The following FREM1 variants were observed in gnomAD, a reference collection of about 807,000 sequenced individuals.
FREM1 encodes FRAS1-related extracellular matrix protein 1.
A neutral mutation model predicts 210.1 loss-of-function variants in FREM1; 220 were observed. That is an observed-to-expected ratio of 1.05 (90% CI 0.94 to 1.17). FREM1 has a LOEUF of 1.17. Ranked by LOEUF, FREM1 falls within the 50% of genes most tolerant of loss-of-function variation. FREM1 has a pLI of 0.00. For missense variants in FREM1, 3,454 were observed against 2,675.5 expected, an observed-to-expected ratio of 1.29 and a Z score of -6.42; for synonymous variants, 1,189 against 980.2, an observed-to-expected ratio of 1.21 and a Z score of -3.98.
In FREM1 at chr9:14,806,847, C is replaced by G. The variant is rs1323621593; in HGVS notation, c.3089-1G>C. The G allele has an allele frequency of 5.0e-6, 8 of 1,584,320 alleles. No homozygotes were observed. Among genetic ancestry groups the G allele is most frequent in the African/African-American group, 1.3e-5 (1 of 74,140 alleles). On this transcript the variant is annotated splice_acceptor_variant, in intron 17 of 36. Transcript: ENST00000380880. LOFTEE classifies it high-confidence loss of function. The stretch of plus-strand genomic sequence containing the variant: ...CCCTCATCTACAACAAACACGGGAC[C>G]TGCATACAAATAAAAACACAATTAC...
intron 3 of FREM1, among the ~76,000 whole-genome samples, chr9:14,860,458 A>C (rs886087098): frequency 1.3e-5 from 2 of 151,846 alleles, no homozygotes; most frequent in Non-Finnish European, 2.9e-5. Context: ...GGAGTAGAAG[A>C]AGCAAGCATT....
At chr9:14,842,749 T>C in intron 8 of FREM1, 89 bp from the exon 9 acceptor site, 3 of 909,602 alleles carry the variant, frequency 3.3e-6, no homozygotes, top group Non-Finnish European at 3.4e-6. Flanking sequence ...TAGAGGCTGC[T>C]AAGGAAAGTG....
chr9:14,779,353 A>G (rs2132725668), intron 24 of FREM1: 1 of 297,384 alleles, frequency 3.4e-6, no homozygotes, highest in Non-Finnish European at 5.0e-6. Flanking sequence ...CATTAATTGT[A>G]GAGCTATAGA....
rs1224400765 is a variant in FREM1 at position 14,747,714 on chromosome 9, A to G, written c.5811T>C (p.Ser1937=). ...TGATGTCTGTTCCATTTCTATAAAC[A>G]GAGGATGGACGAACCTGAAATTGAC... ...RGNGKTVRPS[S]VYRNGTDIIY... is the part of the protein sequence containing the mutation. Residue 1937 remains serine (S), a synonymous_variant, in exon 32 of 37, where the codon TCT becomes TCC. Coordinates refer to ENST00000380880, the MANE Select transcript of FREM1 (RefSeq NM_001379081.2). 1.9e-6 allele frequency: 3 copies of G among 1,543,378 alleles called. No homozygotes were observed. Among genetic ancestry groups the G allele is most frequent in the Admixed American group, 2.0e-5 (1 of 50,140 alleles).
intron 5 of FREM1, among the ~76,000 whole-genome samples, chr9:14,853,535 A>C (rs1460946794): frequency 2.6e-5 from 4 of 152,208 alleles, no homozygotes; most frequent in Admixed American, 6.5e-5. Context: ...GCAGCTTGAG[A>C]CATCTACCAG....
chr9:14,894,039 A>G (rs1447912058), intron 1 of FREM1, among the ~76,000 whole-genome samples: 1 of 152,226 alleles, frequency 6.6e-6, no homozygotes, highest in Admixed American at 6.5e-5. Context: ...AAACTGATTA[A>G]GATTAAATAC....
chr9:14,893,395 A>C (rs1429405110), intron 1 of FREM1, among the ~76,000 whole-genome samples: 2 of 152,228 alleles, frequency 1.3e-5, no homozygotes, highest in South Asian at 2.1e-4. Flanking sequence ...TGTCTAAGAC[A>C]GTCCAGCAAA....
intron 25 of FREM1, among the ~76,000 whole-genome samples, chr9:14,771,281 G>C (rs1847523623): frequency 6.6e-6 from 1 of 152,076 alleles, no homozygotes; most frequent in African/African-American, 2.4e-5. Flanking sequence ...AAAATTGTGA[G>C]GGTTTACAAA....
intron 21 of FREM1, among the ~76,000 whole-genome samples, chr9:14,793,224 C>T (rs1851734012): frequency 6.6e-6 from 1 of 152,166 alleles, no homozygotes; most frequent in East Asian, 1.9e-4. Flanking sequence ...ACAACAACAG[C>T]TCCATGAAGT....
At chr9:14,891,009 G>T (rs1389169838) in intron 1 of FREM1, among the ~76,000 whole-genome samples, 2 of 152,116 alleles carry the variant, frequency 1.3e-5, no homozygotes, top group African/African-American at 4.8e-5. Context: ...CATTCATCAT[G>T]GTGTGCCCCA....
At chr9:14,779,528 C>G (rs923918) in intron 24 of FREM1, 82,048 of 980,886 alleles carry the variant, frequency 0.084, 5,125 homozygotes, top group African/African-American at 0.3. Flanking sequence ...TTCCTCCCTG[C>G]AGACTGAATT....
At chr9:14,755,905 G>A (rs1056309708) in intron 29 of FREM1, among the ~76,000 whole-genome samples, 1 of 152,138 alleles carries the variant, frequency 6.6e-6, no homozygotes, top group Non-Finnish European at 1.5e-5. Flanking sequence ...AACAAAGTAA[G>A]TGCTACTTAA....
At chr9:14,831,319 C>G in intron 10 of FREM1, among the ~76,000 whole-genome samples, 1 of 152,186 alleles carries the variant, frequency 6.6e-6, no homozygotes, top group East Asian at 1.9e-4. Context: ...TTTTTACAGT[C>G]TAGGAACAAA....
In FREM1 at chr9:14,848,840, G is replaced by C. The variant is rs1420191281; in HGVS notation, c.1153-67C>G. 5.3e-6 allele frequency: 5 copies of C among 938,730 alleles called. No individual in the cohort carries two copies. The Admixed American group carries it at 9.0e-5, about 17-fold the overall frequency. The allele number at this position is 938,730 out of a possible 1,614,324, so 58.2% of individuals were successfully genotyped here. A position where few individuals can be genotyped will look rare whatever the true frequency, so the allele number is the denominator to read the frequency against. ...TACAGGGTAAAGTAGCATTAATTCT[G>C]GGTTATACCCACACACAGTGGATTC... On this transcript the variant is annotated intron_variant, in intron 6 of 36. Transcript: ENST00000380880.
At chr9:14,804,392 T>C (rs1817957885) in intron 19 of FREM1, among the ~76,000 whole-genome samples, 1 of 152,162 alleles carries the variant, frequency 6.6e-6, no homozygotes, top group African/African-American at 2.4e-5. Flanking sequence ...AAGACCATCC[T>C]GGCTAACACG....
At chr9:14,872,018 T>C (rs1490308838) in intron 1 of FREM1, among the ~76,000 whole-genome samples, 1 of 152,208 alleles carries the variant, frequency 6.6e-6, no homozygotes. Context: ...TGCTGTTCCA[T>C]TGATCTATAT....
rs1818480745 is a variant in FREM1, at chr9:14,910,141, T to A, written c.-495A>T. 6.6e-6 allele frequency: 1 copy of A among 152,210 alleles called. No individual in the cohort carries two copies. Among genetic ancestry groups the A allele is most frequent in the Non-Finnish European group, 1.5e-5 (1 of 68,038 alleles). The allele number at this position is 152,210 out of a possible 1,614,324, so 9.4% of individuals were successfully genotyped here. A position where few individuals can be genotyped will look rare whatever the true frequency, so the allele number is the denominator to read the frequency against. Reference sequence around the variant, plus strand: ...ACCCACCTCACAGAAAATACAGAATTGAAGTTCACATACACACTCCACTTT... The same window carrying A: ...ACCCACCTCACAGAAAATACAGAATAGAAGTTCACATACACACTCCACTTT... On this transcript the variant is annotated 5_prime_UTR_variant, in exon 1 of 37. Coordinates refer to ENST00000380880, the MANE Select transcript of FREM1 (RefSeq NM_001379081.2).
chr9:14,846,879 G>C (rs1374168388), intron 7 of FREM1, among the ~76,000 whole-genome samples: 1 of 152,128 alleles, frequency 6.6e-6, no homozygotes, highest in Admixed American at 6.5e-5. Context: ...CCCCATGAGG[G>C]TTCCCAGTCT....
At chr9:14,756,121 T>C (rs1844297727) in intron 29 of FREM1, among the ~76,000 whole-genome samples, 1 of 152,228 alleles carries the variant, frequency 6.6e-6, no homozygotes, top group Admixed American at 6.5e-5. Context: ...CTTGGATGTT[T>C]GCTTTGATAT....
Sources: gnomAD v4.1 joint callset for allele counts (sites outside exome capture counted in the v4.1 genomes callset) on GRCh38, gnomAD v4.1.1 for gene constraint, MANE v1.5 for transcripts, NCBI Gene and HGNC (gene_info 2026-07-23, HGNC 2026-07-21) for gene names.